Variants in C11orf65 observed in about 807,000 individuals in gnomAD.
C11orf65 encodes the protein chromosome 11 open reading frame 65, also known as protein MFI.
In C11orf65, 38 loss-of-function variants were observed where a neutral mutation model predicts 35.3. That is an observed-to-expected ratio of 1.08 (90% CI 0.83 to 1.41). The LOEUF (loss-of-function observed/expected upper bound fraction) is 1.41, where lower values mean the gene tolerates loss of function less well. Ranked by LOEUF, C11orf65 falls within the 40% of genes most tolerant of loss-of-function variation. The probability of loss-of-function intolerance (pLI) is 0.00; values close to 1 mark genes in which losing one functional copy is unlikely to be tolerated. For missense variants in C11orf65, 370 were observed against 367.1 expected, an observed-to-expected ratio of 1.01 and a Z score of -0.06; for synonymous variants, 105 against 114.4, an observed-to-expected ratio of 0.92 and a Z score of 0.53.
chr11:108,451,827 A>T (rs1390601230), intron 2 of C11orf65, among the ~76,000 whole-genome samples: 1 of 152,212 alleles, frequency 6.6e-6, no homozygotes, highest in Non-Finnish European at 1.5e-5. Context: ...AATGGAACAG[A>T]ACAAAGTTCT....
intron 3 of C11orf65, chr11:108,331,670 A>G (rs1038967277): frequency 7.2e-7 from 1 of 1,390,684 alleles, no homozygotes; most frequent in African/African-American, 1.5e-5. Flanking sequence ...AAAATTTTGT[A>G]TTTTTTGTCT....
intron 6 of C11orf65, among the ~76,000 whole-genome samples, chr11:108,314,212 C>T (rs1277494391): frequency 6.6e-6 from 1 of 151,982 alleles, no homozygotes. Context: ...GCCTCCCAGG[C>T]TCAAGCCATC....
rs143907994 is a variant in C11orf65 at position 108,347,989 on chromosome 11, T to C, written c.227-12697A>G. Among the ~76,000 whole-genome samples, 240 of 152,258 alleles carry C rather than the reference T, an allele frequency of 1.6e-3. 2 individuals carry two copies. The highest frequency in any genetic ancestry group is 2.1e-3 in the Non-Finnish European group (144 of 68,000). On this transcript the variant is annotated intron_variant, in intron 2 of 3. Coordinates refer to the C11orf65 transcript ENST00000524755. ...TACTAAAGTTGTAGAAACCAGAATA[T>C]TGGATTTGAGGGACATTTTTGTAGT...
chr11:108,388,603 A>C (rs865840072), intron 7 of C11orf65, among the ~76,000 whole-genome samples: 1 of 152,190 alleles, frequency 6.6e-6, no homozygotes, highest in South Asian at 2.1e-4. Context: ...ATAGGCACAG[A>C]GCTCTCCCCA....
intron 2 of C11orf65, among the ~76,000 whole-genome samples, chr11:108,452,042 C>T (rs2093354867): frequency 6.6e-6 from 1 of 151,988 alleles, no homozygotes; most frequent in Admixed American, 6.6e-5. Flanking sequence ...GACCTAAAAC[C>T]ATAAAAACCC....
intron 6 of C11orf65, among the ~76,000 whole-genome samples, chr11:108,312,107 A>G (rs2084212775): frequency 6.6e-6 from 1 of 152,228 alleles, no homozygotes; most frequent in Non-Finnish European, 1.5e-5. Context: ...AACCACTGAC[A>G]GAGTATATAG....
chr11:108,431,103 T>A (rs954761734), intron 3 of C11orf65, among the ~76,000 whole-genome samples: 1 of 152,084 alleles, frequency 6.6e-6, no homozygotes, highest in East Asian at 1.9e-4. Flanking sequence ...TGGGAAATAA[T>A]CTGGCATTAT....
rs2092791752 is a variant in C11orf65, at chr11:108,419,965, C to G, written c.174+11781G>C. Reference sequence around the variant, plus strand: ...TGTTTGAAAAGGCAAAAACAAAACTCATTGAGGATGACATGATTGTTTATA... The same window carrying G: ...TGTTTGAAAAGGCAAAAACAAAACTGATTGAGGATGACATGATTGTTTATA... On this transcript the variant is annotated intron_variant, in intron 3 of 8. Coordinates refer to ENST00000393084, the MANE Select transcript of C11orf65 (RefSeq NM_152587.5). Among the ~76,000 whole-genome samples the G allele has an allele frequency of 2.0e-5, 3 of 152,180 alleles. No individual in the cohort carries two copies. In the South Asian group the frequency reaches 6.2e-4, roughly 32 times the overall value.
At chr11:108,455,338 G>A (rs2093398912) in intron 2 of C11orf65, among the ~76,000 whole-genome samples, 1 of 152,116 alleles carries the variant, frequency 6.6e-6, no homozygotes, top group Non-Finnish European at 1.5e-5. Flanking sequence ...CTTATATACA[G>A]AAGACCTTAA....
intron 6 of C11orf65, chr11:108,315,700 AT>A (rs2084568939): frequency 1.3e-6 from 1 of 742,838 alleles, no homozygotes; most frequent in Non-Finnish European, 2.3e-6. Flanking sequence ...ATTACATTTT[AT>A]TTCTATAACA....
intron 7 of C11orf65, among the ~76,000 whole-genome samples, chr11:108,390,987 G>A (rs1051486482): frequency 2.7e-5 from 4 of 150,702 alleles, no homozygotes; most frequent in African/African-American, 7.3e-5. Flanking sequence ...TTCTTGTTTT[G>A]ATTTTCCTTT....
At chr11:108,347,390 A>G (rs377596176) in intron 2 of C11orf65, 4 of 1,516,646 alleles carry the variant, frequency 2.6e-6, no homozygotes, top group Admixed American at 3.4e-5. Flanking sequence ...CTATGTATCT[A>G]TTCTTTTTAG....
In C11orf65 at chr11:108,343,267, G is replaced by A. The variant is rs1064794239; in HGVS notation, c.227-7975C>T. The A allele has an allele frequency of 5.6e-6, 9 of 1,613,882 alleles. No homozygotes were observed. Among genetic ancestry groups the A allele is most frequent in the Non-Finnish European group, 7.6e-6 (9 of 1,179,918 alleles). ...AAGTGGTGTTCTTGAATGGTGCACA[G>A]GAACTGTCCCCATTGGTGAATTTCT... On this transcript the variant is annotated intron_variant, in intron 2 of 3. Coordinates refer to the C11orf65 transcript ENST00000524755.
At chr11:108,385,137 A>G (rs553100756) in intron 8 of C11orf65, among the ~76,000 whole-genome samples, 2 of 152,126 alleles carry the variant, frequency 1.3e-5, no homozygotes, top group Admixed American at 6.5e-5. Context: ...TTAGTGGTGC[A>G]ATCTTGGCTC....
chr11:108,430,897 AAC>A lies in C11orf65; in HGVS notation c.174+847_174+848del, dbSNP rs10588668. On this transcript the variant is annotated intron_variant, in intron 3 of 8. Coordinates refer to ENST00000393084, the MANE Select transcript of C11orf65 (RefSeq NM_152587.5). ...AAACCCAAAACCCATAAGGATAGGG[AAC>A]ACACACACACACACACACACACACA... Among the ~76,000 whole-genome samples the A allele has an allele frequency of 2.5e-3, 356 of 143,882 alleles. 4 individuals are homozygous for A. The highest frequency in any genetic ancestry group is 0.021 in the South Asian group (91 of 4,234). 94.4% of individuals were successfully genotyped at this position (143,882 alleles called of 152,430 possible). A position where few individuals can be genotyped will look rare whatever the true frequency, so the allele number is the denominator to read the frequency against.
chr11:108,415,406 T>C (rs1281623767), intron 3 of C11orf65, among the ~76,000 whole-genome samples: 1 of 151,922 alleles, frequency 6.6e-6, no homozygotes, highest in Non-Finnish European at 1.5e-5. Flanking sequence ...ACAAAATATA[T>C]AAAAATCGAT....
intron 6 of C11orf65, among the ~76,000 whole-genome samples, chr11:108,315,185 A>G (rs2136106157): frequency 6.6e-6 from 1 of 152,370 alleles, no homozygotes; most frequent in African/African-American, 2.4e-5. Context: ...GTCACATGGC[A>G]TTTTAAGCAG....
intron 6 of C11orf65, among the ~76,000 whole-genome samples, chr11:108,318,755 A>G (rs2084967352): frequency 6.6e-6 from 1 of 152,170 alleles, no homozygotes; most frequent in African/African-American, 2.4e-5. Flanking sequence ...TAAGGTCACC[A>G]TGTTTTCTGA....
At chr11:108,424,496 A>G (rs2092870660) in intron 3 of C11orf65, among the ~76,000 whole-genome samples, 1 of 152,188 alleles carries the variant, frequency 6.6e-6, no homozygotes, top group Non-Finnish European at 1.5e-5. Context: ...ATACAGGAAC[A>G]CTCAGATTCA....
Sources: gnomAD v4.1 joint callset for allele counts (sites outside exome capture counted in the v4.1 genomes callset) on GRCh38, gnomAD v4.1.1 for gene constraint, MANE v1.5 for transcripts, NCBI Gene and HGNC (gene_info 2026-07-23, HGNC 2026-07-21) for gene names.